The following TEKT1 variants were observed in gnomAD, a reference collection of about 807,000 sequenced individuals.
TEKT1 encodes the protein tektin 1.
Under a neutral mutation model 34.8 loss-of-function variants are expected in TEKT1, and 32 were observed. The observed-to-expected ratio is 0.92, with a 90% confidence interval of 0.69 to 1.23. The LOEUF (loss-of-function observed/expected upper bound fraction) is 1.23. Among genes scored for constraint, TEKT1 ranks in the 50% most tolerant of loss-of-function variants. The pLI is 0.00. For synonymous variants in TEKT1, 207 were observed against 199.8 expected, an observed-to-expected ratio of 1.04 and a Z score of -0.30; for missense variants, 492 against 518.5, an observed-to-expected ratio of 0.95 and a Z score of 0.50.
chr17:6,820,546 G>A (rs1286722123), intron 2 of TEKT1, among the ~76,000 whole-genome samples: 1 of 152,074 alleles, frequency 6.6e-6, no homozygotes, highest in Admixed American at 6.6e-5. Context: ...AGTAAAATGG[G>A]TAGCATAGTG....
chr17:6,830,285 C>T lies in TEKT1; in HGVS notation c.92G>A (p.Arg31Lys), dbSNP rs775631834. 8.1e-6 allele frequency: 13 copies of T among 1,613,578 alleles called. 1 individual carries two copies. Among genetic ancestry groups the T allele is most frequent in the Non-Finnish European group, 1.0e-5 (12 of 1,179,962 alleles). ...KNQYHRADAQ[R>K]SRSERLVAES... The stretch of plus-strand genomic sequence containing the variant: ...TGCGACCAGGCGTTCTGATCGGGAC[C>T]TTTGAGCGTCTGCTCTGTGGTACTG... Residue 31 changes from arginine (R) to lysine (K), a missense_variant, in exon 2 of 8, where the codon AGG becomes AAG. Transcript: ENST00000338694.
intron 2 of TEKT1, among the ~76,000 whole-genome samples, chr17:6,826,986 C>T (rs574149902): frequency 2.0e-5 from 3 of 152,156 alleles, no homozygotes; most frequent in South Asian, 2.1e-4. Context: ...TAAGCCACGG[C>T]GCCTGGCCAA....
At chr17:6,804,407 CAG>C (rs1478316515) in intron 6 of TEKT1, among the ~76,000 whole-genome samples, 1 of 151,722 alleles carries the variant, frequency 6.6e-6, no homozygotes, top group Non-Finnish European at 1.5e-5. Flanking sequence ...CATCTGCAAA[CAG>C]GGACAATTTG....
At chr17:6,822,931 T>A (rs1374692498) in intron 2 of TEKT1, among the ~76,000 whole-genome samples, 1 of 152,240 alleles carries the variant, frequency 6.6e-6, no homozygotes, top group Non-Finnish European at 1.5e-5. Context: ...GACCCTGGCA[T>A]CTCACAGGAG....
At chr17:6,803,572 C>A (rs1161056099) in intron 6 of TEKT1, among the ~76,000 whole-genome samples, 1 of 152,130 alleles carries the variant, frequency 6.6e-6, no homozygotes, top group Non-Finnish European at 1.5e-5. Flanking sequence ...AGGTTTTCTT[C>A]TAGGGTTTTT....
chr17:6,818,221 T>C (rs1425809514), intron 3 of TEKT1, among the ~76,000 whole-genome samples: 2 of 152,160 alleles, frequency 1.3e-5, no homozygotes, highest in Non-Finnish European at 2.9e-5. Flanking sequence ...CATTGGGGTT[T>C]GAAGGATTCT....
chr17:6,823,698 G>T (rs1434777303), intron 2 of TEKT1, among the ~76,000 whole-genome samples: 1 of 151,806 alleles, frequency 6.6e-6, no homozygotes, highest in Non-Finnish European at 1.5e-5. Flanking sequence ...TATCTCAAAG[G>T]TCACCAATAA....
At chr17:6,821,119 G>T (rs1977083018) in intron 2 of TEKT1, among the ~76,000 whole-genome samples, 1 of 151,944 alleles carries the variant, frequency 6.6e-6, no homozygotes, top group African/African-American at 2.4e-5. Context: ...ATTTTCCTAG[G>T]GTCCTGAAAT....
At chr17:6,806,007 A>G (rs1976839341) in intron 6 of TEKT1, among the ~76,000 whole-genome samples, 1 of 152,112 alleles carries the variant, frequency 6.6e-6, no homozygotes, top group South Asian at 2.1e-4. Context: ...GCTGAGTTCA[A>G]TTCCTGGATA....
chr17:6,803,625 T>A (rs567093733), intron 6 of TEKT1, among the ~76,000 whole-genome samples: 75 of 152,322 alleles, frequency 4.9e-4, no homozygotes, highest in African/African-American at 1.8e-3. Flanking sequence ...CCACTTTGAA[T>A]TGATTTTTGT....
chr17:6,830,868 A>C (rs1904555747), intron 1 of TEKT1, among the ~76,000 whole-genome samples: 1 of 152,156 alleles, frequency 6.6e-6, no homozygotes, highest in African/African-American at 2.4e-5. Flanking sequence ...GGCCATAATG[A>C]GAATGCTATT....
chr17:6,820,105 A>G (rs778782599), intron 2 of TEKT1, among the ~76,000 whole-genome samples: 1 of 152,190 alleles, frequency 6.6e-6, no homozygotes, highest in Non-Finnish European at 1.5e-5. Context: ...CACACAACAT[A>G]CTTCCGTCTC....
Position 6,815,241 on chromosome 17 carries a change from A to G in TEKT1, c.551T>C (p.Ile184Thr). The change falls in exon 5 of 8, where the codon ATA becomes ACA. Residue 184 changes from isoleucine to threonine, a missense_variant. Ile to Thr is a moderately conservative substitution (Grantham distance 89, BLOSUM62 -1). Transcript: ENST00000338694. Reference protein sequence around the residue: ...DLKDKFVALTIDDICFSLNNN... With the variant: ...DLKDKFVALTTDDICFSLNNN... ...GTTGAGCGAGAAGCAGATATCATCTATGGTCAGGGCCACAAACTTGTCCTT... is the reference window on the plus strand; with the variant it reads ...GTTGAGCGAGAAGCAGATATCATCTGTGGTCAGGGCCACAAACTTGTCCTT... 1.2e-6 allele frequency: 2 copies of G among 1,614,256 alleles called. No individual in the cohort carries two copies. Among genetic ancestry groups the G allele is most frequent in the Non-Finnish European group, 1.7e-6 (2 of 1,180,040 alleles).
intron 6 of TEKT1, among the ~76,000 whole-genome samples, chr17:6,810,514 AT>A (rs143751939): frequency 3.3e-5 from 5 of 152,200 alleles, no homozygotes; most frequent in African/African-American, 1.2e-4. Flanking sequence ...ATAAAATTAT[AT>A]TTTTAATGCC....
intron 1 of TEKT1, among the ~76,000 whole-genome samples, chr17:6,831,363 A>G (rs572987649): frequency 6.6e-6 from 1 of 152,216 alleles, no homozygotes; most frequent in African/African-American, 2.4e-5. Context: ...ATATATAAGG[A>G]TGAAACTAGA....
intron 3 of TEKT1, 88 bp downstream of exon 3, chr17:6,819,105 T>C: frequency 6.8e-7 from 1 of 1,479,276 alleles, no homozygotes; most frequent in Non-Finnish European, 9.2e-7. Flanking sequence ...TGCTGTGTTC[T>C]AACTCACCAT....
rs111513824 is a variant in TEKT1 at position 6,818,727 on chromosome 17, T to G, written c.356+466A>C. On this transcript the variant is annotated intron_variant, in intron 3 of 7. Transcript: ENST00000338694. ...CCCCACTTACTCCTACTTGCTGGAA[T>G]GTAGACATAATGGCTGGAGCTCCAG... Among the ~76,000 whole-genome samples, 4 of 152,262 alleles carry G rather than the reference T, an allele frequency of 2.6e-5. 1 individual carries two copies. Among genetic ancestry groups the G allele is most frequent in the African/African-American group, 9.6e-5 (4 of 41,546 alleles).
intron 2 of TEKT1, among the ~76,000 whole-genome samples, chr17:6,822,605 T>C (rs1977108650): frequency 1.3e-5 from 2 of 152,216 alleles, no homozygotes; most frequent in African/African-American, 4.8e-5. Context: ...TCTTATATTC[T>C]TAATTTCTAA....
In TEKT1 at chr17:6,799,380, T is replaced by G. The variant is rs1400503745; in HGVS notation, c.*647A>C. On this transcript the variant is annotated 3_prime_UTR_variant, in exon 8 of 8. Coordinates refer to ENST00000338694, the MANE Select transcript of TEKT1 (RefSeq NM_053285.2). ...TTATGTTGGTATAGGGTGGGACTGC[T>G]CACAATGGCTCACATTCATTAAACA... is the stretch of plus-strand genomic sequence containing the variant. 1 of 152,174 alleles carries G rather than the reference T, an allele frequency of 6.6e-6. No individual in the cohort carries two copies. The highest frequency in any genetic ancestry group is 1.9e-4 in the East Asian group (1 of 5,192). 9.4% of individuals were successfully genotyped at this position (152,174 alleles called of 1,614,324 possible).
Sources: allele counts gnomAD v4.1 joint callset (sites outside exome capture counted in the v4.1 genomes callset), GRCh38; gene constraint gnomAD v4.1.1; transcripts MANE v1.5; gene names NCBI Gene and HGNC (gene_info 2026-07-23, HGNC 2026-07-21).